Variants in UNC5B observed in about 807,000 individuals in gnomAD.
UNC5B encodes unc-5 netrin receptor B, also known as netrin receptor UNC5B.
A neutral mutation model predicts 103.7 loss-of-function variants in UNC5B; 56 were observed. That is an observed-to-expected ratio of 0.54 (90% CI 0.44 to 0.67). UNC5B has a LOEUF of 0.67. UNC5B is among the 30% of genes least tolerant of loss of function. The pLI, the probability that UNC5B is intolerant of heterozygous loss-of-function variation, is 0.00. For missense variants in UNC5B, 1,194 were observed against 1,284.5 expected (o/e 0.93, Z 1.08); for synonymous variants, 577 against 542.0 (o/e 1.06, Z -0.90).
intron 1 of UNC5B, among the ~76,000 whole-genome samples, chr10:71,276,559 G>C (rs1004968338): frequency 1.3e-5 from 2 of 152,164 alleles, no homozygotes; most frequent in African/African-American, 4.8e-5. Flanking sequence ...TCAGCCTCCC[G>C]AGTAGCTGGG....
intron 1 of UNC5B, among the ~76,000 whole-genome samples, chr10:71,272,505 T>G (rs893565862): frequency 6.6e-6 from 1 of 152,142 alleles, no homozygotes; most frequent in African/African-American, 2.4e-5. Context: ...CCGGCTGAGA[T>G]GGATAGCAGG....
chr10:71,274,525 T>C (rs1384488292), intron 1 of UNC5B, among the ~76,000 whole-genome samples: 1 of 152,022 alleles, frequency 6.6e-6, no homozygotes, highest in East Asian at 1.9e-4. Flanking sequence ...GGTATGTGAG[T>C]CAAGGTTGGC....
intron 1 of UNC5B, among the ~76,000 whole-genome samples, chr10:71,264,951 T>C (rs1004407066): frequency 1.5e-5 from 2 of 132,108 alleles, no homozygotes; most frequent in African/African-American, 5.8e-5. Context: ...CTGGGCAACA[T>C]AGTGAGACCC....
intron 1 of UNC5B, among the ~76,000 whole-genome samples, chr10:71,226,968 T>A (rs1471323508): frequency 1.3e-5 from 2 of 149,854 alleles, no homozygotes; most frequent in Non-Finnish European, 3.0e-5. Context: ...CTGGATGGAG[T>A]TGGAGACCAT....
chr10:71,293,748 C>T lies in UNC5B; in HGVS notation c.1990C>T (p.Gln664Ter). The change falls in exon 13 of 17, where the codon CAG (glutamine) becomes TAG (stop). Residue 664 changes from glutamine (Q) to a stop codon, truncating the protein, a stop_gained. Coordinates refer to ENST00000335350, the MANE Select transcript of UNC5B (RefSeq NM_170744.5). LOFTEE classifies it high-confidence loss of function. ...EETLNTPCYC[Q>*]LEPRACHILL... ...GACCCTGAACACACCCTGCTACTGC[C>T]AGCTGGAGCCCAGGGCCTGTCACAT... 1 of 1,594,866 alleles carries T rather than the reference C, an allele frequency of 6.3e-7. No individual in the cohort carries two copies. Among genetic ancestry groups the T allele is most frequent in the Non-Finnish European group, 8.5e-7 (1 of 1,170,578 alleles).
intron 1 of UNC5B, among the ~76,000 whole-genome samples, chr10:71,250,882 G>A (rs1844157095): frequency 6.6e-6 from 1 of 152,328 alleles, no homozygotes; most frequent in East Asian, 1.9e-4. Context: ...ACACTGAAGA[G>A]GGGAATACTT....
At chr10:71,239,441 G>A (rs953673238) in intron 1 of UNC5B, among the ~76,000 whole-genome samples, 2 of 152,110 alleles carry the variant, frequency 1.3e-5, no homozygotes, top group Admixed American at 1.3e-4. Context: ...AGGGTCGCCC[G>A]TCCTGACTGA....
At chr10:71,298,514 C>T (rs534403965) in intron 16 of UNC5B, among the ~76,000 whole-genome samples, 1 of 151,512 alleles carries the variant, frequency 6.6e-6, no homozygotes, top group South Asian at 2.1e-4. Flanking sequence ...CTTTGGAGAA[C>T]CTCAAATGCT....
rs367811866 is a variant in UNC5B at position 71,286,678 on chromosome 10, C to G, written c.553-11C>G. ...TGGGCCCTCACTGCCCCCTCACCCC[C>G]ACTCTTGCAGGTGGAATGGCTCAAG... On this transcript the variant is annotated splice_polypyrimidine_tract_variant and intron_variant, in intron 4 of 16. Coordinates refer to ENST00000335350, the MANE Select transcript of UNC5B (RefSeq NM_170744.5). 2.1e-5 allele frequency: 34 copies of G among 1,613,786 alleles called. No homozygotes were observed. The highest frequency in any genetic ancestry group is 2.5e-5 in the Non-Finnish European group (30 of 1,179,836).
At chr10:71,287,427 T>G (rs1845117018) in intron 5 of UNC5B, among the ~76,000 whole-genome samples, 171 bp from the exon 6 acceptor site, 1 of 152,082 alleles carries the variant, frequency 6.6e-6, no homozygotes, top group African/African-American at 2.4e-5. Flanking sequence ...GTGCTGACGG[T>G]TACAGCCCAG....
chr10:71,266,332 C>T (rs915550176), intron 1 of UNC5B, among the ~76,000 whole-genome samples: 1 of 152,052 alleles, frequency 6.6e-6, no homozygotes, highest in Non-Finnish European at 1.5e-5. Context: ...TCCCCTTCAC[C>T]CTCCCCGCTT....
chr10:71,241,909 G>A (rs1843909968), intron 1 of UNC5B, among the ~76,000 whole-genome samples: 1 of 152,254 alleles, frequency 6.6e-6, no homozygotes, highest in African/African-American at 2.4e-5. Context: ...CACCTCCTAT[G>A]TGATTACAGC....
rs753999349 is a variant in UNC5B at position 71,268,963 on chromosome 10, C to T, written c.80-10858C>T. ...CTTCAGCTCCTCCAGCAACCTGAAA[C>T]GCGTGGCAGGAGCAGGCAGCCCAGC... On this transcript the variant is annotated intron_variant, in intron 1 of 16. Coordinates refer to ENST00000335350, the MANE Select transcript of UNC5B (RefSeq NM_170744.5). 3.9e-5 allele frequency among the ~76,000 whole-genome samples: 6 copies of T among 152,222 alleles called. No individual in the cohort carries two copies. The East Asian group carries it at 5.8e-4, about 15-fold the overall frequency.
At chr10:71,291,994 T>C (rs1183332766) in intron 10 of UNC5B, among the ~76,000 whole-genome samples, 173 bp downstream of exon 10, 2 of 152,206 alleles carry the variant, frequency 1.3e-5, no homozygotes, top group Admixed American at 1.3e-4. Flanking sequence ...CTAGAAAAGC[T>C]AGGCTTCAAG....
chr10:71,292,411 C>G, intron 10 of UNC5B, 56 bp from the exon 11 acceptor site: 1 of 1,489,712 alleles, frequency 6.7e-7, no homozygotes, highest in Non-Finnish European at 9.2e-7. Context: ...GCCAACTTCC[C>G]AAACACTTGT....
At position 71,284,748 on chromosome 10, in the gene UNC5B, G is replaced by A. The variant is rs757943643; in HGVS notation, c.333G>A (p.Glu111=). 1.2e-6 allele frequency: 2 copies of A among 1,613,786 alleles called. No individual in the cohort carries two copies. The highest frequency in any genetic ancestry group is 3.3e-5 in the Admixed American group (2 of 59,988). Reference sequence around the variant, plus strand: ...TGCGGGTGCGCGAGGTGCAGATCGAGGTGTCGCGGCAGCAGGTGGAGGAGC... The same window carrying A: ...TGCGGGTGCGCGAGGTGCAGATCGAAGTGTCGCGGCAGCAGGTGGAGGAGC... The part of the protein sequence containing the change: ...TGLRVREVQI[E]VSRQQVEELF... The change falls in exon 3 of 17, where the codon GAG becomes GAA. Residue 111 remains glutamate (E), a synonymous_variant. Coordinates refer to ENST00000335350, the MANE Select transcript of UNC5B (RefSeq NM_170744.5).
At position 71,288,995 on chromosome 10, in the gene UNC5B, G is replaced by A; in HGVS notation, c.1099+5G>A. Reference sequence around the variant, plus strand: ...TAAGCGACCCCAACAGCCACCGTAAGTCCCATTTCATGGCTGTCCTCTTTC... The same window carrying A: ...TAAGCGACCCCAACAGCCACCGTAAATCCCATTTCATGGCTGTCCTCTTTC... On this transcript the variant is annotated splice_donor_5th_base_variant and intron_variant, in intron 8 of 16. Transcript: ENST00000335350. 3 of 1,614,140 alleles carry A rather than the reference G, an allele frequency of 1.9e-6. No homozygotes were observed. Among genetic ancestry groups the A allele is most frequent in the Non-Finnish European group, 2.5e-6 (3 of 1,180,026 alleles).
At chr10:71,298,814 A>T (rs1389896954) in intron 16 of UNC5B, among the ~76,000 whole-genome samples, 1 of 152,162 alleles carries the variant, frequency 6.6e-6, no homozygotes, top group Non-Finnish European at 1.5e-5. Flanking sequence ...GATGATGATG[A>T]ACAAGATGGT....
intron 1 of UNC5B, among the ~76,000 whole-genome samples, chr10:71,269,032 G>T (rs952059823): frequency 2.0e-5 from 3 of 152,174 alleles, no homozygotes; most frequent in Non-Finnish European, 2.9e-5. Flanking sequence ...GGGGGCTGGT[G>T]GGGGGAGACA....
Sources: allele counts gnomAD v4.1 joint callset (sites outside exome capture counted in the v4.1 genomes callset), GRCh38; gene constraint gnomAD v4.1.1; transcripts MANE v1.5; gene names NCBI Gene and HGNC (gene_info 2026-07-23, HGNC 2026-07-21).